The following HMGCLL1 variants were observed in gnomAD, a reference collection of about 807,000 sequenced individuals.
HMGCLL1 encodes the protein 3-hydroxymethyl-3-methylglutaryl-CoA lyase, cytoplasmic.
HMGCLL1 carries 36 observed loss-of-function variants against 39.1 expected under a neutral mutation model. That is an observed-to-expected ratio of 0.92 (90% confidence interval 0.71 to 1.22). The LOEUF is 1.22. Ranked by LOEUF, HMGCLL1 falls within the 50% of genes most tolerant of loss-of-function variation. The probability of loss-of-function intolerance (pLI) is 0.00; values close to 1 mark genes in which losing one functional copy is unlikely to be tolerated. For synonymous variants in HMGCLL1, 149 were observed against 144.0 expected, an observed-to-expected ratio of 1.03 and a Z score of -0.25; for missense variants, 451 against 416.5, an observed-to-expected ratio of 1.08 and a Z score of -0.72.
chr6:55,639,247 C>T, the HMGCLL1 span, among the ~76,000 whole-genome samples: 516 of 151,914 alleles, frequency 3.4e-3, 2 homozygotes, highest in African/African-American at 0.011. Context: ...ATAACCACTA[C>T]CATTACTGAT....
intron 3 of HMGCLL1, among the ~76,000 whole-genome samples, chr6:55,533,841 G>C (rs1269790425): frequency 7.8e-6 from 1 of 128,980 alleles, no homozygotes; most frequent in Non-Finnish European, 1.6e-5. Flanking sequence ...AGCCGAGATC[G>C]CGCCACTGCA....
At chr6:55,567,810 G>T (rs911869608) in intron 1 of HMGCLL1, among the ~76,000 whole-genome samples, 3 of 152,094 alleles carry the variant, frequency 2.0e-5, no homozygotes, top group Admixed American at 6.6e-5. Context: ...CCCTGCTAGC[G>T]TCGGAGTGCC....
chr6:55,556,270 G>A (rs1770660941), intron 1 of HMGCLL1, among the ~76,000 whole-genome samples: 1 of 152,076 alleles, frequency 6.6e-6, no homozygotes, highest in South Asian at 2.1e-4. Context: ...AAAGAGGAGA[G>A]GAACTAAGGG....
At chr6:55,453,693 G>A (rs903100654) in intron 7 of HMGCLL1, among the ~76,000 whole-genome samples, 14 of 152,172 alleles carry the variant, frequency 9.2e-5, no homozygotes, top group Admixed American at 7.9e-4. Flanking sequence ...AAATATGTAA[G>A]TAGAAACATT....
At chr6:55,466,438 C>T (rs748811366) in intron 7 of HMGCLL1, among the ~76,000 whole-genome samples, 1 of 152,070 alleles carries the variant, frequency 6.6e-6, no homozygotes, top group Non-Finnish European at 1.5e-5. Flanking sequence ...CTGCAATGAC[C>T]TTTATGCTTT....
Position 55,435,402 on chromosome 6 carries a change from A to T in HMGCLL1, c.*260T>A. 3.3e-6 allele frequency: 1 copy of T among 300,470 alleles called. No homozygotes were observed. 18.6% of individuals were successfully genotyped at this position (300,470 alleles called of 1,614,324 possible). On this transcript the variant is annotated 3_prime_UTR_variant, in exon 9 of 9. Transcript: ENST00000274901. Reference sequence around the variant, plus strand: ...TCTACTAAATTAAAAAGTTATTTCTATGAGAGCAAAAGAAACTTTTTTCCA... The same window carrying T: ...TCTACTAAATTAAAAAGTTATTTCTTTGAGAGCAAAAGAAACTTTTTTCCA...
At chr6:55,665,246 G>T in the HMGCLL1 span, among the ~76,000 whole-genome samples, 15 of 151,572 alleles carry the variant, frequency 9.9e-5, no homozygotes, top group Non-Finnish European at 2.1e-4. Flanking sequence ...GTTGTTATTG[G>T]TTTGATTTTT....
At chr6:55,584,096 C>T (rs1267035063), upstream of HMGCLL1, among the ~76,000 whole-genome samples, 1 of 152,070 alleles carries the variant, frequency 6.6e-6, no homozygotes, top group Non-Finnish European at 1.5e-5. Context: ...CTAGCAAGGC[C>T]TGTGCCTTCT....
chr6:55,448,596 A>C (rs1356174189), intron 7 of HMGCLL1, among the ~76,000 whole-genome samples: 6 of 151,970 alleles, frequency 3.9e-5, no homozygotes, highest in Non-Finnish European at 8.8e-5. Flanking sequence ...ATTCTGGTCT[A>C]TCTCAGGCTC....
At chr6:55,550,279 A>T (rs1770257322) in intron 1 of HMGCLL1, among the ~76,000 whole-genome samples, 1 of 151,818 alleles carries the variant, frequency 6.6e-6, no homozygotes, top group South Asian at 2.1e-4. Context: ...GGGTGGAGAA[A>T]TTCTCAGAAA....
the HMGCLL1 span, among the ~76,000 whole-genome samples, chr6:55,646,032 C>T: frequency 6.6e-6 from 1 of 151,700 alleles, no homozygotes; most frequent in Admixed American, 6.6e-5. Flanking sequence ...CTGGACTTTT[C>T]TTTACTGGAA....
At chr6:55,612,495 C>A in the HMGCLL1 span, among the ~76,000 whole-genome samples, 6 of 152,106 alleles carry the variant, frequency 3.9e-5, no homozygotes, top group African/African-American at 1.4e-4. Context: ...ATAGAAAAGA[C>A]AATCCTAAGC....
intron 7 of HMGCLL1, among the ~76,000 whole-genome samples, chr6:55,454,839 TCCA>T (rs1343047254): frequency 6.6e-6 from 1 of 152,212 alleles, no homozygotes; most frequent in East Asian, 1.9e-4. Flanking sequence ...ACACATGTAT[TCCA>T]CCATTTATTA....
chr6:55,459,567 C>T (rs1231530821), intron 7 of HMGCLL1, among the ~76,000 whole-genome samples: 2 of 151,994 alleles, frequency 1.3e-5, no homozygotes, highest in Non-Finnish European at 2.9e-5. Flanking sequence ...AATGCTGGAT[C>T]CCTCCTGCTA....
the HMGCLL1 span, among the ~76,000 whole-genome samples, chr6:55,627,924 AT>A: frequency 5.5e-4 from 2 of 3,634 alleles, no homozygotes; most frequent in African/African-American, 1.3e-3. Context: ...TATATATAAT[AT>A]ATATACTATA....
rs77864076 is a variant in HMGCLL1, at chr6:55,540,141, G to A, written c.297+1588C>T. Among the ~76,000 whole-genome samples the A allele has an allele frequency of 9.2e-3, 1,399 of 151,934 alleles. 15 individuals carry two copies. Among genetic ancestry groups the A allele is most frequent in the Admixed American group, 0.018 (270 of 15,234 alleles). On this transcript the variant is annotated intron_variant, in intron 3 of 8. Coordinates refer to ENST00000274901, the MANE Select transcript of HMGCLL1 (RefSeq NM_001042406.2). ...GATTATTTTACAAGGAAAGTATGAC[G>A]AATGGAGAAACAGTGCTTATAAATA...
chr6:55,495,434 G>A lies in HMGCLL1; in HGVS notation c.780C>T (p.Ile260=). The change falls in exon 7 of 9, where the codon ATC becomes ATT. Residue 260 remains isoleucine, a synonymous_variant. Transcript: ENST00000274901. ...TACAAAATACCTGAAGGGCCGTAAG[G>A]ATATTTGCTAAGGCTTGTCCGTATG... ...HDTYGQALAN[I]LTALQMGINV... is the part of the protein sequence containing the mutation. 6.2e-7 allele frequency: 1 copy of A among 1,613,686 alleles called. No individual in the cohort carries two copies.
At chr6:55,556,547 A>G (rs1770680334) in intron 1 of HMGCLL1, among the ~76,000 whole-genome samples, 1 of 152,162 alleles carries the variant, frequency 6.6e-6, no homozygotes, top group South Asian at 2.1e-4. Flanking sequence ...TTGGAAGTGT[A>G]AAGAGGGCCT....
intron 7 of HMGCLL1, among the ~76,000 whole-genome samples, chr6:55,460,978 T>C (rs1764535508): frequency 6.6e-6 from 1 of 151,956 alleles, no homozygotes; most frequent in Non-Finnish European, 1.5e-5. Flanking sequence ...GACACAATAT[T>C]TTTTCATGAA....
Sources: allele counts gnomAD v4.1 joint callset (sites outside exome capture counted in the v4.1 genomes callset), GRCh38; gene constraint gnomAD v4.1.1; transcripts MANE v1.5; gene names NCBI Gene and HGNC (gene_info 2026-07-23, HGNC 2026-07-21).